DCC: variants seen among roughly 807,000 people sequenced by gnomAD.
The protein encoded by DCC is DCC netrin 1 receptor, also known as netrin receptor DCC.
In DCC, 58 loss-of-function variants were observed where a neutral mutation model predicts 172.5. The observed-to-expected ratio is 0.34, with a 90% confidence interval of 0.27 to 0.42. The LOEUF (loss-of-function observed/expected upper bound fraction) is 0.42. DCC is among the 10% of genes least tolerant of loss of function. The pLI is 1.00. For synonymous variants in DCC, 709 were observed against 644.5 expected (o/e 1.10, Z -1.52); for missense variants, 1,740 against 1,791.0 (o/e 0.97, Z 0.51).
At chr18:53,336,522 C>A (rs370635642) in intron 14 of DCC, among the ~76,000 whole-genome samples, 1 of 152,116 alleles carries the variant, frequency 6.6e-6, no homozygotes, top group African/African-American at 2.4e-5. Flanking sequence ...CTTGAAGGAA[C>A]TGTCCTTTTG....
intron 5 of DCC, among the ~76,000 whole-genome samples, chr18:52,950,880 A>G (rs573939419): frequency 5.2e-5 from 7 of 134,788 alleles, no homozygotes; most frequent in Admixed American, 1.8e-4. Flanking sequence ...AGCCGAGATC[A>G]GATCGCGCCA....
At chr18:53,145,118 T>TTTC (rs1425484445) in intron 7 of DCC, among the ~76,000 whole-genome samples, 2 of 131,492 alleles carry the variant, frequency 1.5e-5, no homozygotes, top group Non-Finnish European at 3.2e-5. Context: ...TTTTTTTTTT[T>TTTC]TTTTTTTTTT....
At chr18:53,265,228 A>G (rs1279109621) in intron 12 of DCC, among the ~76,000 whole-genome samples, 1 of 152,198 alleles carries the variant, frequency 6.6e-6, no homozygotes, top group Non-Finnish European at 1.5e-5. Context: ...TCTTAGCTGT[A>G]ACCTGGTTCA....
intron 12 of DCC, among the ~76,000 whole-genome samples, chr18:53,224,572 C>G (rs1462191827): frequency 1.3e-5 from 2 of 152,008 alleles, no homozygotes; most frequent in African/African-American, 4.8e-5. Context: ...CAGAGACAAC[C>G]AAGTGCTCCA....
intron 2 of DCC, among the ~76,000 whole-genome samples, chr18:52,878,125 C>T (rs1458503509): frequency 6.6e-6 from 1 of 152,162 alleles, no homozygotes; most frequent in South Asian, 2.1e-4. Context: ...GTTCCTCTCT[C>T]ATCTGCTTCA....
chr18:53,300,958 A>ATTCTTTCTTTCTTTCTTTCTTTCTTTTCT (rs1436953257), intron 12 of DCC, among the ~76,000 whole-genome samples: 2 of 81,696 alleles, frequency 2.4e-5, no homozygotes, highest in Non-Finnish European at 2.6e-5. Context: ...TTGGTTCTGG[A>ATTCTTTCTTTCTTTCTTTCTTTCTTTTCT]TTCATTCTTT....
At chr18:52,721,217 C>T (rs939243960) in intron 1 of DCC, among the ~76,000 whole-genome samples, 5 of 152,122 alleles carry the variant, frequency 3.3e-5, no homozygotes, top group African/African-American at 7.2e-5. Context: ...TGGCAATGTT[C>T]GAATCTGAAA....
At position 52,461,698 on chromosome 18, in the gene DCC, C is replaced by T. The variant is rs1038855180; in HGVS notation, c.91+120820C>T. Among the ~76,000 whole-genome samples, 3 of 152,188 alleles carry T rather than the reference C, an allele frequency of 2.0e-5. No individual in the cohort carries two copies. In the East Asian group the frequency reaches 5.8e-4, roughly 29 times the overall value. ...CATTGTCTGTGATTAGCTGAAATGT[C>T]ATTATGCAAAGCATGACTGTAGCTC... On this transcript the variant is annotated intron_variant, in intron 1 of 28. Transcript: ENST00000442544.
chr18:52,782,921 G>T (rs28524721), intron 2 of DCC, among the ~76,000 whole-genome samples: 8,045 of 152,082 alleles, frequency 0.053, 289 homozygotes, highest in South Asian at 0.16. Flanking sequence ...GCCCAGCAAG[G>T]TAAATCATCA....
intron 1 of DCC, among the ~76,000 whole-genome samples, chr18:52,676,474 T>TC (rs1372455117): frequency 6.6e-6 from 1 of 152,218 alleles, no homozygotes; most frequent in African/African-American, 2.4e-5. Context: ...AAATGACTTG[T>TC]ACCCAAAATA....
Position 53,177,121 on chromosome 18 carries a change from T to A in DCC, c.1419-1841T>A, listed in dbSNP as rs544777720. On this transcript the variant is annotated intron_variant, in intron 8 of 28. Coordinates refer to ENST00000442544, the MANE Select transcript of DCC (RefSeq NM_005215.4). ...GCATATTCTCACTCATAGGTGGGAA[T>A]TGAACAATGAGATCACATGGACACA... is the stretch of plus-strand genomic sequence containing the variant. Among the ~76,000 whole-genome samples the A allele has an allele frequency of 8.2e-3, 1,238 of 151,276 alleles. 10 individuals are homozygous for A. The highest frequency in any genetic ancestry group is 0.024 in the Middle Eastern group (7 of 294).
At chr18:53,136,209 CTATATA>C (rs1010454794) in intron 7 of DCC, among the ~76,000 whole-genome samples, 2 of 144,296 alleles carry the variant, frequency 1.4e-5, no homozygotes, top group African/African-American at 5.4e-5. Context: ...ATCTATCTAT[CTATATA>C]TATATACACA....
chr18:52,452,395 G>C (rs347544), intron 1 of DCC, among the ~76,000 whole-genome samples: 121,607 of 152,210 alleles, frequency 0.8, 49,393 homozygotes, highest in African/African-American at 0.94. Flanking sequence ...TCCGAAAGAA[G>C]TTCTGTGTTC....
chr18:52,476,537 G>A (rs1989099354), intron 1 of DCC, among the ~76,000 whole-genome samples: 3 of 152,158 alleles, frequency 2.0e-5, no homozygotes, highest in Admixed American at 6.5e-5. Context: ...TCTAGTCAAA[G>A]CATTCATTTA....
chr18:53,068,805 A>G (rs28378361), intron 7 of DCC, among the ~76,000 whole-genome samples: 35,767 of 142,108 alleles, frequency 0.25, 4,533 homozygotes, highest in East Asian at 0.37. Flanking sequence ...GTGTATGTGT[A>G]TGTGTGTGTG....
intron 1 of DCC, among the ~76,000 whole-genome samples, chr18:52,374,807 T>G (rs1985276866): frequency 6.6e-6 from 1 of 152,212 alleles, no homozygotes; most frequent in Admixed American, 6.5e-5. Flanking sequence ...GATTAATACA[T>G]GAAATGGCTT....
intron 5 of DCC, among the ~76,000 whole-genome samples, chr18:52,948,719 C>T (rs1248422074): frequency 1.3e-5 from 2 of 152,200 alleles, no homozygotes; most frequent in Non-Finnish European, 2.9e-5. Context: ...TGTAGTTTCC[C>T]TTCTCATCAC....
intron 5 of DCC, among the ~76,000 whole-genome samples, chr18:52,990,981 G>C (rs1025628337): frequency 1.3e-5 from 2 of 152,146 alleles, no homozygotes; most frequent in Non-Finnish European, 2.9e-5. Flanking sequence ...CGAGGGCATT[G>C]AGCCAAGACA....
At chr18:53,107,530 A>C (rs906266928) in intron 7 of DCC, among the ~76,000 whole-genome samples, 1 of 118,998 alleles carries the variant, frequency 8.4e-6, no homozygotes, top group Non-Finnish European at 1.7e-5. Flanking sequence ...CCAAAAAAAA[A>C]AAAAAGGAAG....
Sources: gnomAD v4.1 joint callset for allele counts (sites outside exome capture counted in the v4.1 genomes callset) on GRCh38, gnomAD v4.1.1 for gene constraint, MANE v1.5 for transcripts, NCBI Gene and HGNC (gene_info 2026-07-23, HGNC 2026-07-21) for gene names.